Variants in TANC2 observed in about 807,000 individuals in gnomAD.
TANC2 encodes protein TANC2.
Under a neutral mutation model 210.5 loss-of-function variants are expected in TANC2, and 26 were observed. That is an observed-to-expected ratio of 0.12 (90% CI 0.09 to 0.17). The LOEUF (loss-of-function observed/expected upper bound fraction) is 0.17, where lower values mean the gene tolerates loss of function less well. Among genes scored for constraint, TANC2 ranks in the 10% least tolerant of loss-of-function variants. The pLI is 1.00. For synonymous variants in TANC2, 931 were observed against 967.1 expected (o/e 0.96, Z 0.69); for missense variants, 2,129 against 2,608.9 (o/e 0.82, Z 4.01).
chr17:63,078,447 C>T (rs1192567267), intron 3 of TANC2, among the ~76,000 whole-genome samples: 1 of 152,012 alleles, frequency 6.6e-6, no homozygotes, highest in Non-Finnish European at 1.5e-5. Context: ...TTTCTTTCTT[C>T]TGCCTGCTTT....
intron 7 of TANC2, among the ~76,000 whole-genome samples, chr17:63,231,354 A>G (rs1384266458): frequency 6.6e-6 from 1 of 152,122 alleles, no homozygotes; most frequent in African/African-American, 2.4e-5. Flanking sequence ...TCATGGTACT[A>G]TTAGTCTTTG....
intron 22 of TANC2, 99 bp downstream of exon 22, chr17:63,411,785 T>G: frequency 6.8e-7 from 1 of 1,465,446 alleles, no homozygotes; most frequent in Non-Finnish European, 9.2e-7. Context: ...TGATGATTCC[T>G]GATACAGAGC....
chr17:63,218,160 T>C (rs989613055), intron 7 of TANC2, among the ~76,000 whole-genome samples: 1 of 151,958 alleles, frequency 6.6e-6, no homozygotes, highest in Admixed American at 6.6e-5. Flanking sequence ...TGGTACACAC[T>C]TGTAGTCTTA....
chr17:63,243,198 G>T (rs1302306556), intron 8 of TANC2, among the ~76,000 whole-genome samples: 1 of 152,168 alleles, frequency 6.6e-6, no homozygotes, highest in Non-Finnish European at 1.5e-5. Flanking sequence ...AATGGCAATG[G>T]CAAGCAACAC....
intron 2 of TANC2, among the ~76,000 whole-genome samples, chr17:63,045,749 A>T (rs949693260): frequency 6.6e-6 from 1 of 152,032 alleles, no homozygotes; most frequent in Non-Finnish European, 1.5e-5. Context: ...ATATTTGCAT[A>T]TGAGTCTTTT....
chr17:63,171,549 T>C (rs2040405512), intron 5 of TANC2, among the ~76,000 whole-genome samples: 1 of 152,230 alleles, frequency 6.6e-6, no homozygotes, highest in African/African-American at 2.4e-5. Context: ...AGAGCTATCA[T>C]GCAAAACAAC....
At chr17:63,018,911 A>T (rs1400168496) in intron 2 of TANC2, among the ~76,000 whole-genome samples, 4 of 152,204 alleles carry the variant, frequency 2.6e-5, no homozygotes, top group South Asian at 4.1e-4. Flanking sequence ...CATGTATTCC[A>T]TGGTATGGTT....
chr17:63,200,264 A>G (rs1341007205), intron 6 of TANC2, among the ~76,000 whole-genome samples: 4 of 150,652 alleles, frequency 2.7e-5, no homozygotes, highest in African/African-American at 9.8e-5. Flanking sequence ...CTGAGGCAGG[A>G]GAATCGCTTG....
At chr17:63,243,494 T>G (rs1327985114) in intron 8 of TANC2, among the ~76,000 whole-genome samples, 1 of 152,198 alleles carries the variant, frequency 6.6e-6, no homozygotes, top group Non-Finnish European at 1.5e-5. Context: ...ATAAATTGTA[T>G]GCAGCAATGA....
chr17:63,197,230 C>T (rs892990451), intron 6 of TANC2, among the ~76,000 whole-genome samples: 5 of 152,004 alleles, frequency 3.3e-5, no homozygotes, highest in African/African-American at 1.2e-4. Context: ...TACATTATGC[C>T]TCTCATACCA....
intron 4 of TANC2, among the ~76,000 whole-genome samples, chr17:63,108,550 G>A (rs537795482): frequency 2.0e-5 from 3 of 151,856 alleles, no homozygotes; most frequent in South Asian, 2.1e-4. Context: ...TGTGGCTCAC[G>A]CCTGTAATCC....
At chr17:63,258,233 G>T (rs1162464426) in intron 8 of TANC2, among the ~76,000 whole-genome samples, 1 of 152,098 alleles carries the variant, frequency 6.6e-6, no homozygotes, top group South Asian at 2.1e-4. Flanking sequence ...AGATGTAGTG[G>T]AGCTCCTTTG....
chr17:63,136,285 A>G (rs573874529), intron 4 of TANC2, among the ~76,000 whole-genome samples: 22 of 152,296 alleles, frequency 1.4e-4, no homozygotes, highest in Admixed American at 3.9e-4. Context: ...TATTGCTTCT[A>G]TGTTCTATCT....
At chr17:63,032,864 A>C (rs1430914428) in intron 2 of TANC2, among the ~76,000 whole-genome samples, 1 of 152,108 alleles carries the variant, frequency 6.6e-6, no homozygotes, top group South Asian at 2.1e-4. Context: ...CTAGTCCCAC[A>C]AGACGCCCCC....
At chr17:63,336,200 G>A (rs529061455) in intron 11 of TANC2, among the ~76,000 whole-genome samples, 68 of 152,358 alleles carry the variant, frequency 4.5e-4, no homozygotes, top group African/African-American at 1.5e-3. Context: ...GGGTGGTAGT[G>A]AGGAAGAAGA....
At chr17:63,249,507 C>T (rs971875786) in intron 8 of TANC2, among the ~76,000 whole-genome samples, 3 of 152,078 alleles carry the variant, frequency 2.0e-5, no homozygotes, top group Non-Finnish European at 4.4e-5. Flanking sequence ...GTCGTCAGTG[C>T]TTTGTGTGAG....
At chr17:62,992,307 T>C (rs113491708) in intron 1 of TANC2, among the ~76,000 whole-genome samples, 1 of 152,158 alleles carries the variant, frequency 6.6e-6, no homozygotes. Context: ...ATAGACAAGA[T>C]TGAGTATAAG....
intron 12 of TANC2, among the ~76,000 whole-genome samples, chr17:63,345,619 C>CAAAAAAAAAAAAA: frequency 1.2e-5 from 1 of 86,634 alleles, no homozygotes; most frequent in Non-Finnish European, 2.4e-5. Context: ...AATTCTGTCT[C>CAAAAAAAAAAAAA]AAAAAAAAAA....
intron 4 of TANC2, among the ~76,000 whole-genome samples, chr17:63,129,412 T>C (rs2038835056): frequency 1.3e-5 from 2 of 152,132 alleles, no homozygotes; most frequent in East Asian, 1.9e-4. Flanking sequence ...TCCTCTCTTA[T>C]AAAATGTGCA....
Sources: gnomAD v4.1 joint callset for allele counts (sites outside exome capture counted in the v4.1 genomes callset) on GRCh38, gnomAD v4.1.1 for gene constraint, MANE v1.5 for transcripts, NCBI Gene and HGNC (gene_info 2026-07-23, HGNC 2026-07-21) for gene names.